PAX5: variants seen among roughly 807,000 people sequenced by gnomAD.
The protein encoded by PAX5 is paired box protein Pax-5.
PAX5 carries 9 observed loss-of-function variants against 43.7 expected under a neutral mutation model. The ratio of observed to expected loss-of-function variants is 0.21; its 90% CI spans 0.12 to 0.36. PAX5 has a LOEUF of 0.36. PAX5 is among the 10% of genes least tolerant of loss of function. PAX5 has a pLI of 1.00. For synonymous variants in PAX5, 228 were observed against 214.3 expected (o/e 1.06, Z -0.56); for missense variants, 383 against 532.7 (o/e 0.72, Z 2.77).
chr9:37,004,604 CAGAA>C (rs1838224070), intron 4 of PAX5, among the ~76,000 whole-genome samples: 2 of 152,208 alleles, frequency 1.3e-5, no homozygotes, highest in Admixed American at 1.3e-4. Flanking sequence ...GACACAGAGG[CAGAA>C]ATCGTTAACT....
intron 7 of PAX5, among the ~76,000 whole-genome samples, chr9:36,895,127 C>T (rs1827736255): frequency 6.6e-6 from 1 of 152,240 alleles, no homozygotes; most frequent in African/African-American, 2.4e-5. Flanking sequence ...TGTGCTAAAC[C>T]TCTGCCAGCT....
At chr9:36,947,775 AC>A (rs1314518171) in intron 6 of PAX5, among the ~76,000 whole-genome samples, 1 of 150,402 alleles carries the variant, frequency 6.6e-6, no homozygotes, top group African/African-American at 2.5e-5. Flanking sequence ...AGCACACCTC[AC>A]ACTTTGGCCA....
chr9:36,912,101 C>G (rs1014244707), intron 7 of PAX5, among the ~76,000 whole-genome samples: 1 of 152,232 alleles, frequency 6.6e-6, no homozygotes, highest in African/African-American at 2.4e-5. Flanking sequence ...AAGACTCCAC[C>G]ACCTTCTGAG....
intron 6 of PAX5, among the ~76,000 whole-genome samples, chr9:36,939,155 C>T (rs35483032): frequency 6.6e-6 from 1 of 151,968 alleles, no homozygotes; most frequent in African/African-American, 2.4e-5. Context: ...TTTAAATTTG[C>T]CCTAGGGCAA....
chr9:37,026,680 G>C (rs531642604), intron 1 of PAX5: 3 of 1,327,360 alleles, frequency 2.3e-6, no homozygotes, highest in African/African-American at 1.5e-5. Flanking sequence ...CACTGTGCGA[G>C]CTGGGCTCAG....
intron 8 of PAX5, among the ~76,000 whole-genome samples, chr9:36,849,235 C>T (rs1822908286): frequency 6.6e-6 from 1 of 152,232 alleles, no homozygotes; most frequent in African/African-American, 2.4e-5. Context: ...CTGAACAATT[C>T]CTGGTTGCTC....
At chr9:36,888,654 T>G (rs1200784892) in intron 7 of PAX5, among the ~76,000 whole-genome samples, 1 of 152,102 alleles carries the variant, frequency 6.6e-6, no homozygotes, top group Non-Finnish European at 1.5e-5. Context: ...GAAGGGAAGA[T>G]ATAAAGTCTC....
rs142953003 is a variant in PAX5 at position 36,926,070 on chromosome 9, A to G, written c.781-2586T>C. On this transcript the variant is annotated intron_variant, in intron 6 of 9. Coordinates refer to ENST00000358127, the MANE Select transcript of PAX5 (RefSeq NM_016734.3). The stretch of plus-strand genomic sequence containing the variant: ...ACAGTCACCCCTTGAAGCAGGCTCT[A>G]TGACATCCCCATTTTACAGATGAAG... 2.9e-3 allele frequency among the ~76,000 whole-genome samples: 448 copies of G among 152,328 alleles called. 5 individuals are homozygous for G. Among genetic ancestry groups the G allele is most frequent in the African/African-American group, 7.9e-3 (330 of 41,580 alleles).
chr9:36,874,202 C>G (rs146598630), intron 8 of PAX5, among the ~76,000 whole-genome samples: 234 of 152,308 alleles, frequency 1.5e-3, no homozygotes, highest in African/African-American at 5.3e-3. Flanking sequence ...AGGCAGGCTC[C>G]GAGAAGTCAC....
At chr9:36,944,596 C>T (rs767602592) in intron 6 of PAX5, among the ~76,000 whole-genome samples, 7 of 152,148 alleles carry the variant, frequency 4.6e-5, no homozygotes, top group African/African-American at 1.2e-4. Context: ...AGATGCAGAC[C>T]GCCCATTACT....
intron 5 of PAX5, among the ~76,000 whole-genome samples, chr9:36,996,717 G>A (rs1402852585): frequency 6.6e-6 from 1 of 152,250 alleles, no homozygotes; most frequent in East Asian, 1.9e-4. Flanking sequence ...CACGGTCTGT[G>A]AGCTTCTGAA....
intron 6 of PAX5, among the ~76,000 whole-genome samples, chr9:36,941,035 A>G (rs1335437854): frequency 2.0e-5 from 3 of 152,252 alleles, no homozygotes; most frequent in Non-Finnish European, 4.4e-5. Flanking sequence ...GGTGAGCAAC[A>G]GAGTGAAAAT....
chr9:37,032,477 G>C lies in PAX5; in HGVS notation c.46+1509C>G, dbSNP rs576408800. On this transcript the variant is annotated intron_variant, in intron 1 of 9. Transcript: ENST00000358127. ...TGAGGATGGAGAAGAGGAGTTTCCA[G>C]GTAACTTTTCCTGAGCCCTCATCCT... Among the ~76,000 whole-genome samples, 66 of 152,284 alleles carry C rather than the reference G, an allele frequency of 4.3e-4. 1 individual carries two copies. The highest frequency in any genetic ancestry group is 1.5e-3 in the African/African-American group (64 of 41,550).
chr9:37,004,840 G>A (rs1838250502), intron 4 of PAX5, among the ~76,000 whole-genome samples: 1 of 152,216 alleles, frequency 6.6e-6, no homozygotes, highest in African/African-American at 2.4e-5. Context: ...AAAAGACCCA[G>A]ATTCCACTTT....
At chr9:36,964,440 A>C (rs560015471) in intron 6 of PAX5, among the ~76,000 whole-genome samples, 1 of 151,354 alleles carries the variant, frequency 6.6e-6, no homozygotes, top group African/African-American at 2.4e-5. Context: ...AAATACAAAA[A>C]AATTAGCCGG....
chr9:36,892,734 G>C (rs1263826318), intron 7 of PAX5, among the ~76,000 whole-genome samples: 1 of 152,222 alleles, frequency 6.6e-6, no homozygotes, highest in Non-Finnish European at 1.5e-5. Flanking sequence ...TTATTGCTGG[G>C]ATAAATAAAT....
At chr9:36,885,073 A>G (rs1826798588) in intron 7 of PAX5, among the ~76,000 whole-genome samples, 1 of 152,254 alleles carries the variant, frequency 6.6e-6, no homozygotes, top group Non-Finnish European at 1.5e-5. Flanking sequence ...TGGACTAGCC[A>G]TGAAAACAAA....
At chr9:36,975,897 A>T (rs1036215911) in intron 5 of PAX5, among the ~76,000 whole-genome samples, 1 of 152,266 alleles carries the variant, frequency 6.6e-6, no homozygotes, top group Non-Finnish European at 1.5e-5. Flanking sequence ...GGCAGAGCCC[A>T]TGTCCCATTT....
rs1821888580 is a variant in PAX5 at position 36,839,633 on chromosome 9, G to A, written c.*927C>T. The A allele has an allele frequency of 8.6e-6, 2 of 233,270 alleles. No homozygotes were observed. The highest frequency in any genetic ancestry group is 2.2e-5 in the African/African-American group (1 of 45,358). 14.5% of individuals were successfully genotyped at this position (233,270 alleles called of 1,614,324 possible). ...ATGCCTCAGAAAACACCGTTCCAGG[G>A]GCTGAGGGAGTAGGGAGAGCCTCAG... is the stretch of plus-strand genomic sequence containing the variant. On this transcript the variant is annotated 3_prime_UTR_variant, in exon 10 of 10. Transcript: ENST00000358127.
Sources: gnomAD v4.1 joint callset for allele counts (sites outside exome capture counted in the v4.1 genomes callset) on GRCh38, gnomAD v4.1.1 for gene constraint, MANE v1.5 for transcripts, NCBI Gene and HGNC (gene_info 2026-07-23, HGNC 2026-07-21) for gene names.